Variants in ICE1 observed in about 807,000 individuals in gnomAD.
ICE1 encodes little elongation complex subunit 1.
ICE1 carries 64 observed loss-of-function variants against 192.7 expected under a neutral mutation model. The ratio of observed to expected loss-of-function variants is 0.33; its 90% CI spans 0.27 to 0.41. The LOEUF (loss-of-function observed/expected upper bound fraction) is 0.41. ICE1 is among the 10% of genes least tolerant of loss of function. The pLI is 1.00. For missense variants in ICE1, 2,708 were observed against 2,696.0 expected, an observed-to-expected ratio of 1.00 and a Z score of -0.10; for synonymous variants, 1,010 against 984.5, an observed-to-expected ratio of 1.03 and a Z score of -0.49.
intron 17 of ICE1, among the ~76,000 whole-genome samples, chr5:5,483,466 A>G (rs1252214355): frequency 1.3e-5 from 2 of 152,196 alleles, no homozygotes; most frequent in African/African-American, 4.8e-5. Flanking sequence ...ACTCCAACCT[A>G]CCTTAATGAT....
rs763682568 is a variant in ICE1, at chr5:5,466,492, A to C, written c.6051A>C (p.Leu2017=). 5.6e-6 allele frequency: 9 copies of C among 1,606,972 alleles called. No individual in the cohort carries two copies. Among genetic ancestry groups the C allele is most frequent in the Non-Finnish European group, 7.6e-6 (9 of 1,177,996 alleles). ...GAGCTCGTTTGTTTTGCTACAGCCT[A>C]CTTAAAGAAGGTATGCTTAGATTGT... The part of the protein sequence containing the change: ...LERARLFCYS[L]LKEDFPESEK... The change falls in exon 14 of 19, where the codon CTA becomes CTC. Residue 2017 remains leucine, a synonymous_variant. Transcript: ENST00000296564.
At chr5:5,441,016 T>G in intron 4 of ICE1, 96 bp from the exon 5 acceptor site, 1 of 731,436 alleles carries the variant, frequency 1.4e-6, no homozygotes, top group Non-Finnish European at 2.2e-6. Flanking sequence ...CTTTTTTTTG[T>G]TCCAAGTTAG....
rs757843523 is a variant in ICE1, at chr5:5,463,535, G to C, written c.4201G>C (p.Val1401Leu). Residue 1401 changes from valine to leucine, a missense_variant, in exon 13 of 19, where the codon GTG becomes CTG. Transcript: ENST00000296564. ...ETTFQCQIAT[V>L]TSEVINVLIN... is the part of the protein sequence containing the mutation. ...AACATTTCAGTGTCAGATAGCAACA[G>C]TGACCTCAGAAGTTATAAACGTACT... 3 of 1,613,864 alleles carry C rather than the reference G, an allele frequency of 1.9e-6. No homozygotes were observed. The highest frequency in any genetic ancestry group is 2.2e-5 in the East Asian group (1 of 44,880).
intron 17 of ICE1, among the ~76,000 whole-genome samples, chr5:5,476,999 T>C (rs1262139622): frequency 1.3e-5 from 2 of 152,252 alleles, no homozygotes; most frequent in Admixed American, 6.5e-5. Flanking sequence ...TCTGCTTCCT[T>C]ATTTGCTACA....
chr5:5,430,991 G>C (rs560244548), intron 1 of ICE1, among the ~76,000 whole-genome samples: 1 of 152,160 alleles, frequency 6.6e-6, no homozygotes, highest in Non-Finnish European at 1.5e-5. Context: ...AACTCTTTTT[G>C]CTTCAGTTTC....
At chr5:5,479,130 G>A (rs1739424735) in intron 17 of ICE1, among the ~76,000 whole-genome samples, 2 of 152,124 alleles carry the variant, frequency 1.3e-5, no homozygotes, top group African/African-American at 2.4e-5. Context: ...CTTCTGCACA[G>A]CAAAAGAAAC....
At chr5:5,486,043 G>T (rs1739630507) in intron 17 of ICE1, among the ~76,000 whole-genome samples, 1 of 152,236 alleles carries the variant, frequency 6.6e-6, no homozygotes, top group East Asian at 1.9e-4. Context: ...TTGGATAAGT[G>T]CATTTCTTCA....
At chr5:5,457,106 CCTGT>C (rs1402542099) in intron 11 of ICE1, among the ~76,000 whole-genome samples, 2 of 152,156 alleles carry the variant, frequency 1.3e-5, no homozygotes, top group Non-Finnish European at 2.9e-5. Context: ...GTCCATCTCA[CCTGT>C]CTGTCTCACT....
chr5:5,488,159 T>TG (rs543512868), intron 18 of ICE1, among the ~76,000 whole-genome samples: 3 of 152,294 alleles, frequency 2.0e-5, no homozygotes, highest in East Asian at 1.9e-4. Flanking sequence ...TTGTGGTTTA[T>TG]GGGGGGGAGT....
chr5:5,466,067 C>T (rs1327811044), intron 13 of ICE1, among the ~76,000 whole-genome samples: 1 of 152,082 alleles, frequency 6.6e-6, no homozygotes, highest in East Asian at 1.9e-4. Flanking sequence ...GCAGCTAGGT[C>T]TTTTGAGACT....
At chr5:5,433,432 C>T (rs1320182041) in intron 1 of ICE1, among the ~76,000 whole-genome samples, 2 of 152,202 alleles carry the variant, frequency 1.3e-5, no homozygotes, top group Non-Finnish European at 2.9e-5. Flanking sequence ...AGCTGGTTCT[C>T]ACTTTTCCCC....
intron 1 of ICE1, among the ~76,000 whole-genome samples, chr5:5,434,059 C>G (rs954643402): frequency 3.3e-5 from 5 of 151,972 alleles, no homozygotes; most frequent in African/African-American, 1.2e-4. Context: ...ATTAGAAAAT[C>G]TATTGTAGTT....
At chr5:5,451,688 T>TA (rs1274007272) in intron 10 of ICE1, among the ~76,000 whole-genome samples, 7 of 152,170 alleles carry the variant, frequency 4.6e-5, no homozygotes, top group African/African-American at 1.7e-4. Context: ...TAACAATAGT[T>TA]AAAGATCTAA....
Position 5,489,309 on chromosome 5 carries a change from G to A in ICE1, c.6780G>A (p.Leu2260=). 1.2e-6 allele frequency: 2 copies of A among 1,610,214 alleles called. No individual in the cohort carries two copies. Among genetic ancestry groups the A allele is most frequent in the Non-Finnish European group, 1.7e-6 (2 of 1,178,470 alleles). Reference sequence around the variant, plus strand: ...GCTGCCTAGAGGAAGTCAGTGCCCTGAGCACAGAGGAGCTTGGCTGACCTG... The same window carrying A: ...GCTGCCTAGAGGAAGTCAGTGCCCTAAGCACAGAGGAGCTTGGCTGACCTG... The part of the protein sequence containing the change: ...IVSCLEEVSA[L]STEELG Residue 2260 remains leucine, a synonymous_variant, in exon 19 of 19, where the codon CTG becomes CTA. Transcript: ENST00000296564.
chr5:5,449,826 G>A (rs912898390), intron 10 of ICE1, among the ~76,000 whole-genome samples: 20 of 152,172 alleles, frequency 1.3e-4, no homozygotes, highest in African/African-American at 4.1e-4. Context: ...CAGAGTGGGC[G>A]TGGATATCAG....
Position 5,465,173 on chromosome 5 carries a change from G to T in ICE1, c.5839G>T (p.Val1947Leu), listed in dbSNP as rs772431538. The T allele has an allele frequency of 6.2e-7, 1 of 1,603,428 alleles. No individual in the cohort carries two copies. Among genetic ancestry groups the T allele is most frequent in the Non-Finnish European group, 8.5e-7 (1 of 1,174,348 alleles). Residue 1947 changes from valine (V) to leucine (L), a missense_variant, in exon 13 of 19, where the codon GTA becomes TTA. Val to Leu is a conservative substitution (Grantham distance 32, BLOSUM62 1). Around this residue, in one of 2 missense-constraint regions of ICE1, gnomAD observed 342 missense variants for 419.3 expected, o/e 0.82. Transcript: ENST00000296564. ...VYVGNISKKP[V>L]MRDQEKEVVY... The stretch of plus-strand genomic sequence containing the variant: ...TGTGGGAAATATCTCCAAAAAGCCC[G>T]TAATGAGAGATCAAGAGAAGGAAGT...
Position 5,463,495 on chromosome 5 carries a change from C to G in ICE1, c.4161C>G (p.Asn1387Lys). ...VMEPSIEQSSNCEAETTFQCQ... is the reference protein window; with the variant it reads ...VMEPSIEQSSKCEAETTFQCQ... ...AGCCATCCATAGAGCAAAGTTCTAA[C>G]TGCGAGGCCGAAACAACATTTCAGT... is the stretch of plus-strand genomic sequence containing the variant. Residue 1387 changes from asparagine to lysine, a missense_variant, in exon 13 of 19, where the codon AAC (asparagine) becomes AAG (lysine). Around this residue, in one of 2 missense-constraint regions of ICE1, gnomAD observed 2,366 missense variants for 2,276.6 expected, o/e 1.04. Transcript: ENST00000296564. 6.2e-7 allele frequency: 1 copy of G among 1,613,180 alleles called. No homozygotes were observed.
At chr5:5,447,000 T>C (rs1431701386) in intron 7 of ICE1, among the ~76,000 whole-genome samples, 1 of 152,188 alleles carries the variant, frequency 6.6e-6, no homozygotes, top group East Asian at 1.9e-4. Context: ...AGAATAACCA[T>C]ATCTATAATA....
chr5:5,476,049 A>ATTAT lies in ICE1; in HGVS notation c.6492_6495dup (p.Ile2166TyrfsTer29). 1 of 1,607,658 alleles carries ATTAT rather than the reference A, an allele frequency of 6.2e-7. No individual in the cohort carries two copies. Among genetic ancestry groups the ATTAT allele is most frequent in the Non-Finnish European group, 8.5e-7 (1 of 1,175,364 alleles). ...TGCAAACATTGCGTATACTCCTGATATTATTATAGCCTCAATACTGAGGCT... is the reference window on the plus strand; with the variant it reads ...TGCAAACATTGCGTATACTCCTGATATTATTTATTATAGCCTCAATACTGAGGCT... On this transcript the variant is annotated frameshift_variant, in exon 17 of 19. Transcript: ENST00000296564. LOFTEE classifies it high-confidence loss of function.
Sources: allele counts gnomAD v4.1 joint callset (sites outside exome capture counted in the v4.1 genomes callset), GRCh38; gene constraint gnomAD v4.1.1; regional missense constraint gnomAD v4.1.1; transcripts MANE v1.5; gene names NCBI Gene and HGNC (gene_info 2026-07-23, HGNC 2026-07-21).